The following EIF2AK4 variants were observed in gnomAD, a reference collection of about 807,000 sequenced individuals.
EIF2AK4 encodes eukaryotic translation initiation factor 2 alpha kinase 4.
Under a neutral mutation model 211.1 loss-of-function variants are expected in EIF2AK4, and 139 were observed. The ratio of observed to expected loss-of-function variants is 0.66; its 90% confidence interval spans 0.57 to 0.76. EIF2AK4 has a LOEUF of 0.76. EIF2AK4 is among the 30% of genes least tolerant of loss of function. The pLI is 0.00. For synonymous variants in EIF2AK4, 710 were observed against 751.3 expected, an observed-to-expected ratio of 0.94 and a Z score of 0.90; for missense variants, 1,664 against 2,043.8, an observed-to-expected ratio of 0.81 and a Z score of 3.58.
Position 39,965,879 on chromosome 15 carries a change from T to TA in EIF2AK4, c.1017+38dup, listed in dbSNP as rs1435450032. On this transcript the variant is annotated intron_variant, in intron 8 of 38. Coordinates refer to ENST00000263791, the MANE Select transcript of EIF2AK4 (RefSeq NM_001013703.4). ...AAGGTGGCTGACTGAGCAAAAGGCC[T>TA]AATCTCAGGCTTTAGGAGATGACAG... 3 of 1,610,152 alleles carry TA rather than the reference T, an allele frequency of 1.9e-6. No individual in the cohort carries two copies. In the African/African-American group the frequency reaches 4.0e-5, roughly 22 times the overall value.
chr15:40,008,252 T>A (rs996739917), intron 25 of EIF2AK4, 57 bp downstream of exon 25: 7 of 1,480,070 alleles, frequency 4.7e-6, no homozygotes, highest in East Asian at 4.9e-5. Flanking sequence ...TCACCAAGTG[T>A]GGTGGGGAAA....
intron 7 of EIF2AK4, among the ~76,000 whole-genome samples, chr15:39,962,163 G>A (rs545605366): frequency 5.3e-4 from 80 of 152,352 alleles, no homozygotes; most frequent in African/African-American, 1.9e-3. Context: ...GGGGGCCGAG[G>A]TGGAAGGATT....
chr15:39,950,383 A>G (rs528493923), intron 4 of EIF2AK4, among the ~76,000 whole-genome samples: 1 of 152,260 alleles, frequency 6.6e-6, no homozygotes, highest in South Asian at 2.1e-4. Context: ...ACTTGAGGCC[A>G]GGAGTTCGAG....
chr15:39,946,049 G>A (rs182136660), intron 3 of EIF2AK4, among the ~76,000 whole-genome samples: 1 of 152,330 alleles, frequency 6.6e-6, no homozygotes, highest in East Asian at 1.9e-4. Context: ...GATTAATGTT[G>A]TTTTCATGCC....
intron 18 of EIF2AK4, among the ~76,000 whole-genome samples, chr15:39,994,431 G>T (rs968842319): frequency 1.3e-5 from 2 of 152,100 alleles, no homozygotes; most frequent in Non-Finnish European, 2.9e-5. Flanking sequence ...AACATAGCGA[G>T]ACCTCATCCC....
intron 3 of EIF2AK4, among the ~76,000 whole-genome samples, chr15:39,945,243 G>A (rs778783786): frequency 1.3e-5 from 2 of 151,538 alleles, no homozygotes; most frequent in Non-Finnish European, 2.9e-5. Flanking sequence ...GCCTCCCAAA[G>A]TGCTAGGATT....
intron 3 of EIF2AK4, among the ~76,000 whole-genome samples, chr15:39,945,619 G>A (rs1021610922): frequency 6.6e-6 from 1 of 151,582 alleles, no homozygotes; most frequent in Non-Finnish European, 1.5e-5. Context: ...ATTGATGAAG[G>A]TAGCTACAGA....
intron 16 of EIF2AK4, 30 bp downstream of exon 16, chr15:39,990,407 A>G: frequency 6.4e-7 from 1 of 1,569,624 alleles, no homozygotes; most frequent in South Asian, 1.1e-5. Flanking sequence ...GACTGTACCT[A>G]AAAACAGACT....
intron 18 of EIF2AK4, among the ~76,000 whole-genome samples, chr15:39,994,171 G>A (rs2034988061): frequency 6.6e-6 from 1 of 152,220 alleles, no homozygotes; most frequent in African/African-American, 2.4e-5. Flanking sequence ...GAGATTTCGA[G>A]TAGATTGTTA....
At chr15:39,975,377 C>G (rs2034680022) in intron 11 of EIF2AK4, 1 of 152,224 alleles carries the variant, frequency 6.6e-6, no homozygotes, top group Non-Finnish European at 1.5e-5. Flanking sequence ...ATTCCCAGGA[C>G]TTCACTTAGA....
At chr15:40,030,230 G>A in intron 34 of EIF2AK4, 129 bp from the exon 35 acceptor site, 1 of 896,610 alleles carries the variant, frequency 1.1e-6, no homozygotes, top group South Asian at 1.6e-5. Flanking sequence ...AGAAAACACA[G>A]CCCAGTCGTG....
intron 14 of EIF2AK4, among the ~76,000 whole-genome samples, chr15:39,987,561 C>A (rs1321244367): frequency 6.6e-6 from 1 of 152,148 alleles, no homozygotes; most frequent in East Asian, 1.9e-4. Flanking sequence ...TAATATTTTT[C>A]TCTAAACTTG....
chr15:40,018,742 A>C (rs2035342961), intron 29 of EIF2AK4, among the ~76,000 whole-genome samples: 1 of 152,214 alleles, frequency 6.6e-6, no homozygotes, highest in Non-Finnish European at 1.5e-5. Flanking sequence ...CAAACTTCTA[A>C]AAATTATTAA....
chr15:39,958,183 G>A (rs1238443334), intron 6 of EIF2AK4, among the ~76,000 whole-genome samples: 2 of 152,208 alleles, frequency 1.3e-5, no homozygotes, highest in Non-Finnish European at 1.5e-5. Context: ...TTGTTTCTGG[G>A]ATGTTGCTCC....
Position 40,035,022 on chromosome 15 carries a change from T to C in EIF2AK4, c.4893-5T>C. ...TGTCCTTATATCTTTTCTTTTCTTTTGCAGGGTGTCTGTGCTATTTCTGTA... is the reference window on the plus strand; with the variant it reads ...TGTCCTTATATCTTTTCTTTTCTTTCGCAGGGTGTCTGTGCTATTTCTGTA... On this transcript the variant is annotated splice_region_variant and splice_polypyrimidine_tract_variant and intron_variant, in intron 38 of 38. Coordinates refer to ENST00000263791, the MANE Select transcript of EIF2AK4 (RefSeq NM_001013703.4). 1.3e-6 allele frequency: 2 copies of C among 1,578,248 alleles called. No individual in the cohort carries two copies. The highest frequency in any genetic ancestry group is 1.7e-6 in the Non-Finnish European group (2 of 1,163,868).
chr15:39,968,944 G>A (rs2034582895), intron 9 of EIF2AK4, among the ~76,000 whole-genome samples: 1 of 151,314 alleles, frequency 6.6e-6, no homozygotes, highest in African/African-American at 2.4e-5. Flanking sequence ...TCTTTATGTT[G>A]GTTTCTCGCC....
At chr15:40,002,088 CAT>C (rs1248201705) in intron 21 of EIF2AK4, among the ~76,000 whole-genome samples, 2 of 152,064 alleles carry the variant, frequency 1.3e-5, no homozygotes, top group Non-Finnish European at 2.9e-5. Context: ...TGGAGGAAGT[CAT>C]AGTAAAATTT....
intron 13 of EIF2AK4, among the ~76,000 whole-genome samples, chr15:39,984,522 T>C (rs2034837423): frequency 6.6e-6 from 1 of 152,214 alleles, no homozygotes; most frequent in Non-Finnish European, 1.5e-5. Flanking sequence ...TCCTCTTTTA[T>C]TTCATTGAGC....
chr15:39,954,523 G>A lies in EIF2AK4; in HGVS notation c.594+539G>A, dbSNP rs74962372. Among the ~76,000 whole-genome samples the A allele has an allele frequency of 1.7e-4, 26 of 152,310 alleles. No homozygotes were observed. In the East Asian group the frequency reaches 5.0e-3, roughly 29 times the overall value. On this transcript the variant is annotated intron_variant, in intron 5 of 38. Transcript: ENST00000263791. ...CCCACCTTGGCCTCCCAAAGTGTTGGGATTACAGGCGTGAGCCACTGCACC... is the reference window on the plus strand; with the variant it reads ...CCCACCTTGGCCTCCCAAAGTGTTGAGATTACAGGCGTGAGCCACTGCACC...
Sources: gnomAD v4.1 joint callset for allele counts (sites outside exome capture counted in the v4.1 genomes callset) on GRCh38, gnomAD v4.1.1 for gene constraint, MANE v1.5 for transcripts, NCBI Gene and HGNC (gene_info 2026-07-23, HGNC 2026-07-21) for gene names.